GUCY1A1: variants seen among roughly 807,000 people sequenced by gnomAD.
The protein encoded by GUCY1A1 is guanylate cyclase soluble subunit alpha-1.
GUCY1A1 carries 48 observed loss-of-function variants against 64.5 expected under a neutral mutation model. The observed-to-expected ratio is 0.74, with a 90% confidence interval of 0.59 to 0.95. The LOEUF (loss-of-function observed/expected upper bound fraction) is 0.95. Among genes scored for constraint, GUCY1A1 ranks in the 40% least tolerant of loss-of-function variants. GUCY1A1 has a pLI of 0.00. For synonymous variants in GUCY1A1, 308 were observed against 303.4 expected, an observed-to-expected ratio of 1.02 and a Z score of -0.16; for missense variants, 804 against 825.3, an observed-to-expected ratio of 0.97 and a Z score of 0.32.
At chr4:155,670,970 C>A (rs1734074068) in intron 2 of GUCY1A1, among the ~76,000 whole-genome samples, 1 of 152,162 alleles carries the variant, frequency 6.6e-6, no homozygotes, top group East Asian at 1.9e-4. Context: ...TCTATTTATC[C>A]CCTTTTGCTA....
At chr4:155,707,901 G>A (rs1043717524) in intron 4 of GUCY1A1, among the ~76,000 whole-genome samples, 2 of 148,792 alleles carry the variant, frequency 1.3e-5, no homozygotes, top group Admixed American at 6.8e-5. Flanking sequence ...GGCTGATCTC[G>A]GCTCACTGCT....
chr4:155,679,503 G>T (rs1178099627), intron 2 of GUCY1A1, among the ~76,000 whole-genome samples: 1 of 152,148 alleles, frequency 6.6e-6, no homozygotes, highest in Non-Finnish European at 1.5e-5. Context: ...GAGAGAGAGA[G>T]GAAGCGAGGG....
At chr4:155,713,720 A>T in intron 7 of GUCY1A1, 137 bp downstream of exon 7, 1 of 820,716 alleles carries the variant, frequency 1.2e-6, no homozygotes, top group Non-Finnish European at 1.9e-6. Context: ...GGGAGCAGGT[A>T]TGGTGCATTC....
intron 9 of GUCY1A1, among the ~76,000 whole-genome samples, chr4:155,725,327 G>T (rs1734513968): frequency 6.6e-6 from 1 of 151,988 alleles, no homozygotes; most frequent in African/African-American, 2.4e-5. Context: ...AAAATCCCTG[G>T]GGTTCATTGT....
intron 2 of GUCY1A1, among the ~76,000 whole-genome samples, chr4:155,692,879 C>T (rs543934256): frequency 2.6e-5 from 4 of 151,828 alleles, no homozygotes; most frequent in East Asian, 1.9e-4. Flanking sequence ...GCCAGCATGG[C>T]GAAACCCCAT....
intron 2 of GUCY1A1, among the ~76,000 whole-genome samples, chr4:155,675,712 T>C (rs1479664581): frequency 2.0e-5 from 3 of 151,516 alleles, no homozygotes; most frequent in Non-Finnish European, 2.9e-5. Flanking sequence ...AATCCAGCAG[T>C]GGTATGTAGG....
intron 9 of GUCY1A1, among the ~76,000 whole-genome samples, chr4:155,727,586 AT>A (rs1434762358): frequency 6.6e-5 from 10 of 151,762 alleles, no homozygotes; most frequent in African/African-American, 1.2e-4. Flanking sequence ...TAATAGATAA[AT>A]TTTTTTAATC....
chr4:155,677,961 ACTT>A (rs1735189884), intron 2 of GUCY1A1, among the ~76,000 whole-genome samples: 2 of 152,050 alleles, frequency 1.3e-5, no homozygotes. Flanking sequence ...AAGTGGAATT[ACTT>A]CTTATGTTTA....
intron 5 of GUCY1A1, among the ~76,000 whole-genome samples, chr4:155,709,857 C>A (rs1432161921): frequency 3.9e-5 from 6 of 152,006 alleles, no homozygotes; most frequent in Non-Finnish European, 7.4e-5. Context: ...AAATTGCCTC[C>A]TTAAAAACTT....
chr4:155,710,615 C>T lies in GUCY1A1; in HGVS notation c.450C>T (p.Asn150=), dbSNP rs773073837. 1.9e-5 allele frequency: 31 copies of T among 1,613,246 alleles called. No homozygotes were observed. The highest frequency in any genetic ancestry group is 1.7e-5 in the Non-Finnish European group (20 of 1,179,562). ...VFKICYEEDE[N]ILGVVGGTLK... ...AAATATGTTACGAGGAAGATGAAAACATCCTTGGGGTGGTTGGAGGCACCC... is the reference window on the plus strand; with the variant it reads ...AAATATGTTACGAGGAAGATGAAAATATCCTTGGGGTGGTTGGAGGCACCC... Residue 150 remains asparagine (N), a synonymous_variant, in exon 6 of 10, where the codon AAC becomes AAT. Transcript: ENST00000506455.
chr4:155,718,569 T>C (rs1384725878), intron 8 of GUCY1A1, among the ~76,000 whole-genome samples: 1 of 152,186 alleles, frequency 6.6e-6, no homozygotes, highest in Admixed American at 6.5e-5. Flanking sequence ...ATAGCTGGGA[T>C]TGCAACGATT....
At chr4:155,685,605 T>G (rs77475518) in intron 2 of GUCY1A1, among the ~76,000 whole-genome samples, 3 of 17,912 alleles carry the variant, frequency 1.7e-4, no homozygotes, top group Non-Finnish European at 3.2e-4. Flanking sequence ...CTCCTTGTGT[T>G]TTTTTTTTTT....
rs188936482 is a variant in GUCY1A1, at chr4:155,671,086, A to C, written c.-113+3667A>C. ...GGATCCATAGTGCTTGGTGCATAGT[A>C]GGTGTCTAAAGAGCTTAACATTGTT... On this transcript the variant is annotated intron_variant, in intron 2 of 9. Coordinates refer to ENST00000506455, the MANE Select transcript of GUCY1A1 (RefSeq NM_001130682.3). Among the ~76,000 whole-genome samples, 223 of 152,286 alleles carry C rather than the reference A, an allele frequency of 1.5e-3. 5 individuals are homozygous for C. The highest frequency in any genetic ancestry group is 0.014 in the Admixed American group (218 of 15,296).
intron 2 of GUCY1A1, among the ~76,000 whole-genome samples, chr4:155,691,230 G>A (rs1363986870): frequency 6.6e-6 from 1 of 152,166 alleles, no homozygotes; most frequent in East Asian, 1.9e-4. Context: ...GAGAATGGTA[G>A]TGCTAGAGAG....
At chr4:155,691,643 G>GC (rs1333352731) in intron 2 of GUCY1A1, among the ~76,000 whole-genome samples, 4 of 152,124 alleles carry the variant, frequency 2.6e-5, no homozygotes, top group African/African-American at 9.7e-5. Flanking sequence ...ATCTTAAAAA[G>GC]CTCATATCTT....
chr4:155,710,859 G>T lies in GUCY1A1; in HGVS notation c.694G>T (p.Glu232Ter), dbSNP rs766618110. 1 of 1,613,998 alleles carries T rather than the reference G, an allele frequency of 6.2e-7. No homozygotes were observed. Among genetic ancestry groups the T allele is most frequent in the Non-Finnish European group, 8.5e-7 (1 of 1,179,988 alleles). ...TCACGTATTATATGAAACGGAAGTG[G>T]AAGTGTCGTTAATGCCTCCCTGCTT... ...AAHVLYETEV[E>*]VSLMPPCFHN... The change falls in exon 6 of 10, where the codon GAA becomes TAA. Residue 232 changes from glutamate to a stop codon, truncating the protein, a stop_gained. Transcript: ENST00000506455. LOFTEE classifies it high-confidence loss of function.
intron 3 of GUCY1A1, among the ~76,000 whole-genome samples, chr4:155,698,719 C>T (rs1467667512): frequency 6.6e-6 from 1 of 152,168 alleles, no homozygotes; most frequent in East Asian, 1.9e-4. Flanking sequence ...ATGGTGCCAC[C>T]AAAAGTTCCA....
rs185670053 is a variant in GUCY1A1, at chr4:155,736,169, T to C, written c.*5938T>C. On this transcript the variant is annotated 3_prime_UTR_variant, in exon 10 of 10. Transcript: ENST00000506455. Reference sequence around the variant, plus strand: ...GTAGGACAACAACTCTATAGACTGATACATGCTGCTCTCAATCCATATACT... The same window carrying C: ...GTAGGACAACAACTCTATAGACTGACACATGCTGCTCTCAATCCATATACT... The C allele has an allele frequency of 1.6e-3, 239 of 152,080 alleles. No individual in the cohort carries two copies. Among genetic ancestry groups the C allele is most frequent in the African/African-American group, 5.3e-3 (219 of 41,532 alleles). The allele number at this position is 152,080 out of a possible 1,614,324, so 9.4% of individuals were successfully genotyped here.
At chr4:155,718,961 T>C (rs1733617472) in intron 8 of GUCY1A1, among the ~76,000 whole-genome samples, 1 of 152,178 alleles carries the variant, frequency 6.6e-6, no homozygotes, top group Non-Finnish European at 1.5e-5. Flanking sequence ...AGGAGGACTA[T>C]ATATTTCTTT....
Sources: gnomAD v4.1 joint callset for allele counts (sites outside exome capture counted in the v4.1 genomes callset) on GRCh38, gnomAD v4.1.1 for gene constraint, MANE v1.5 for transcripts, NCBI Gene and HGNC (gene_info 2026-07-23, HGNC 2026-07-21) for gene names.